The following HORMAD1 variants were observed in gnomAD, a reference collection of about 807,000 sequenced individuals.
HORMAD1 encodes HORMA domain containing 1.
Under a neutral mutation model 58.2 loss-of-function variants are expected in HORMAD1, and 33 were observed. The ratio of observed to expected loss-of-function variants is 0.57; its 90% confidence interval spans 0.43 to 0.76. HORMAD1 has a LOEUF of 0.76. HORMAD1 is among the 30% of genes least tolerant of loss of function. HORMAD1 has a pLI of 0.00. For synonymous variants in HORMAD1, 137 were observed against 144.6 expected (o/e 0.95, Z 0.38); for missense variants, 363 against 462.0 (o/e 0.79, Z 1.96).
intron 2 of HORMAD1, among the ~76,000 whole-genome samples, chr1:150,718,582 C>G (rs924047814): frequency 1.3e-5 from 2 of 151,976 alleles, no homozygotes; most frequent in African/African-American, 2.4e-5. Flanking sequence ...ATGCAAAATC[C>G]TATACAAATA....
intron 6 of HORMAD1, 116 bp downstream of exon 6, chr1:150,711,717 T>C (rs893814564): frequency 5.4e-6 from 5 of 932,880 alleles, no homozygotes; most frequent in African/African-American, 5.0e-5. Flanking sequence ...TTCCATTGAA[T>C]AGATCAGTTA....
intron 13 of HORMAD1, among the ~76,000 whole-genome samples, chr1:150,702,299 T>C (rs1250041831): frequency 2.6e-5 from 4 of 152,036 alleles, no homozygotes; most frequent in East Asian, 1.9e-4. Context: ...TATGGAGAAA[T>C]AGGAACACTT....
intron 4 of HORMAD1, among the ~76,000 whole-genome samples, chr1:150,714,402 A>G (rs1266178734): frequency 6.6e-6 from 1 of 152,156 alleles, no homozygotes; most frequent in African/African-American, 2.4e-5. Context: ...GCACAAAATA[A>G]AGAAACATTT....
At chr1:150,713,985 C>T in intron 5 of HORMAD1, 100 bp downstream of exon 5, 1 of 779,480 alleles carries the variant, frequency 1.3e-6, no homozygotes, top group South Asian at 1.5e-5. Context: ...GACCTACACT[C>T]AAGTTAGTTC....
At chr1:150,711,403 T>C in intron 7 of HORMAD1, 142 bp downstream of exon 7, 1 of 664,450 alleles carries the variant, frequency 1.5e-6, no homozygotes, top group South Asian at 2.1e-5. Context: ...AGAAGAGTTT[T>C]ATGAAGCTCA....
At chr1:150,701,914 G>A (rs1651549165) in intron 13 of HORMAD1, 1 of 152,148 alleles carries the variant, frequency 6.6e-6, no homozygotes. Flanking sequence ...ATATAGAGAA[G>A]ATTAGCATGT....
Position 150,717,205 on chromosome 1 carries a change from T to C in HORMAD1, c.111A>G (p.Ser37=). ...CCCTCAAATACGTGATACAGGATAC[T>C]GAAACTGCTAGAAGCCTCTTCACTA... ...LVLVKRLLAV[S]VSCITYLRGI... is the part of the protein sequence containing the mutation. The change falls in exon 3 of 15, where the codon TCA becomes TCG. Residue 37 remains serine (S), a synonymous_variant. Coordinates refer to ENST00000361824, the MANE Select transcript of HORMAD1 (RefSeq NM_032132.5). 1.9e-6 allele frequency: 3 copies of C among 1,597,920 alleles called. No homozygotes were observed. The highest frequency in any genetic ancestry group is 1.1e-5 in the South Asian group (1 of 89,312).
chr1:150,714,558 A>G (rs1652010763), intron 4 of HORMAD1, 57 bp downstream of exon 4: 2 of 987,180 alleles, frequency 2.0e-6, no homozygotes, highest in Admixed American at 5.2e-5. Flanking sequence ...CCAAGGTACA[A>G]AAAAAAGTAA....
rs767987227 is a variant in HORMAD1, at chr1:150,714,140, A to G, written c.243-19T>C. On this transcript the variant is annotated intron_variant, in intron 4 of 14. Transcript: ENST00000361824. ...TAGCATCCTAAAAAAAAAATCAAGG[A>G]TTCATTTTTAGACTGAATGCATTTC... 1 of 1,455,134 alleles carries G rather than the reference A, an allele frequency of 6.9e-7. No homozygotes were observed. Among genetic ancestry groups the G allele is most frequent in the Non-Finnish European group, 9.5e-7 (1 of 1,053,144 alleles). The allele number at this position is 1,455,134 out of a possible 1,614,324, so 90.1% of individuals were successfully genotyped here.
intron 7 of HORMAD1, among the ~76,000 whole-genome samples, chr1:150,709,624 C>T (rs1172982500): frequency 1.3e-5 from 2 of 151,584 alleles, no homozygotes; most frequent in African/African-American, 4.8e-5. Context: ...CGTCCCCCAG[C>T]CCGACACCCA....
chr1:150,720,097 C>T (rs971980916), intron 1 of HORMAD1, among the ~76,000 whole-genome samples: 5 of 141,266 alleles, frequency 3.5e-5, no homozygotes, highest in Non-Finnish European at 4.7e-5. Flanking sequence ...TTTTTCGAGA[C>T]GGTGTCTCTC....
At chr1:150,703,471 A>T in intron 12 of HORMAD1, 78 bp from the exon 13 acceptor site, 1 of 749,440 alleles carries the variant, frequency 1.3e-6, no homozygotes, top group African/African-American at 1.8e-5. Context: ...GGGGTCCAAA[A>T]ATTTAACCAC....
intron 14 of HORMAD1, 96 bp downstream of exon 14, chr1:150,700,016 G>A (rs951358444): frequency 3.5e-5 from 21 of 599,300 alleles, no homozygotes; most frequent in African/African-American, 5.7e-5. Flanking sequence ...CAGGTACATC[G>A]AAAGATATCA....
chr1:150,718,473 C>A (rs1204911035), intron 2 of HORMAD1, among the ~76,000 whole-genome samples: 1 of 151,702 alleles, frequency 6.6e-6, no homozygotes, highest in African/African-American at 2.4e-5. Flanking sequence ...TCTTAAGAAT[C>A]CCCTTGCAGA....
At chr1:150,709,792 C>T (rs587760890) in intron 7 of HORMAD1, among the ~76,000 whole-genome samples, 1 of 152,284 alleles carries the variant, frequency 6.6e-6, no homozygotes, top group South Asian at 2.1e-4. Flanking sequence ...CAAAAACCGC[C>T]CTATGGTGGG....
In HORMAD1 at chr1:150,714,648, TTA is replaced by T; in HGVS notation, c.207_208del (p.Asp69GlufsTer18). 6.9e-7 allele frequency: 1 copy of T among 1,457,614 alleles called. No individual in the cohort carries two copies. The highest frequency in any genetic ancestry group is 9.2e-7 in the Non-Finnish European group (1 of 1,083,178). The allele number at this position is 1,457,614 out of a possible 1,614,324, so 90.3% of individuals were successfully genotyped here. On this transcript the variant is annotated frameshift_variant, in exon 4 of 15. Transcript: ENST00000361824. LOFTEE classifies it high-confidence loss of function. ...TAACTGTGTAGATCCTGGGCAATTT[TTA>T]TCTTCTCTCAGTATTTTGACACAAA...
chr1:150,706,580 T>C lies in HORMAD1; in HGVS notation c.777A>G (p.Val259=), dbSNP rs587606283. 1.2e-6 allele frequency: 2 copies of C among 1,609,098 alleles called. No homozygotes were observed. The highest frequency in any genetic ancestry group is 4.5e-5 in the East Asian group (2 of 44,806). Reference sequence around the variant, plus strand: ...TTGTATAATGCTCCTGTTCATCTTCTACATCTTTGTCCCTCAGGATTTTTT... The same window carrying C: ...TTGTATAATGCTCCTGTTCATCTTCCACATCTTTGTCCCTCAGGATTTTTT... ...PFQKILRDKD[V]EDEQEHYTSD... Residue 259 remains valine (V), a synonymous_variant, in exon 10 of 15, where the codon GTA becomes GTG. Transcript: ENST00000361824.
intron 14 of HORMAD1, among the ~76,000 whole-genome samples, chr1:150,699,695 T>G (rs1173893861): frequency 4.0e-5 from 6 of 151,778 alleles, no homozygotes; most frequent in Admixed American, 3.9e-4. Flanking sequence ...CAGCTATTTT[T>G]TTTTTTTTTT....
At chr1:150,711,424 T>C (rs1407933051) in intron 7 of HORMAD1, 121 bp downstream of exon 7, 13 of 768,038 alleles carry the variant, frequency 1.7e-5, no homozygotes, top group Non-Finnish European at 2.6e-5. Flanking sequence ...AATGTGAAAA[T>C]ATATATGAAA....
Sources: gnomAD v4.1 joint callset for allele counts (sites outside exome capture counted in the v4.1 genomes callset) on GRCh38, gnomAD v4.1.1 for gene constraint, MANE v1.5 for transcripts, NCBI Gene and HGNC (gene_info 2026-07-23, HGNC 2026-07-21) for gene names.